ATP10B: variants seen among roughly 807,000 people sequenced by gnomAD.
ATP10B encodes the protein ATPase phospholipid transporting 10B (putative), also known as phospholipid-transporting ATPase VB.
Under a neutral mutation model 141.2 loss-of-function variants are expected in ATP10B, and 122 were observed. The ratio of observed to expected loss-of-function variants is 0.86; its 90% confidence interval spans 0.75 to 1.00. The LOEUF (loss-of-function observed/expected upper bound fraction) is 1.00, where lower values mean the gene tolerates loss of function less well. ATP10B is among the 50% of genes least tolerant of loss of function. ATP10B has a pLI of 0.00. For missense variants in ATP10B, 1,876 were observed against 1,825.3 expected (o/e 1.03, Z -0.51); for synonymous variants, 685 against 692.0 (o/e 0.99, Z 0.16).
chr5:160,572,063 G>A (rs894099090), intron 24 of ATP10B, among the ~76,000 whole-genome samples: 1 of 152,128 alleles, frequency 6.6e-6, no homozygotes, highest in Non-Finnish European at 1.5e-5. Flanking sequence ...CAAAACAAAA[G>A]TTCATTTTTG....
chr5:160,905,631 A>G, the ATP10B span, among the ~76,000 whole-genome samples: 1 of 152,296 alleles, frequency 6.6e-6, no homozygotes, highest in East Asian at 1.9e-4. Flanking sequence ...GCTTGTTGTA[A>G]TAAGTAAAAA....
intron 2 of ATP10B, among the ~76,000 whole-genome samples, chr5:160,717,649 C>T (rs376453675): frequency 2.6e-5 from 4 of 152,262 alleles, no homozygotes; most frequent in South Asian, 2.1e-4. Flanking sequence ...AGATCCCTGG[C>T]GCTAAAACTA....
In ATP10B at chr5:160,644,196, C is replaced by A. The variant is rs1760100719; in HGVS notation, c.810G>T (p.Leu270=). 1.2e-6 allele frequency: 2 copies of A among 1,613,970 alleles called. No individual in the cohort carries two copies. Among genetic ancestry groups the A allele is most frequent in the South Asian group, 2.2e-5 (2 of 91,068 alleles). ...TRTGFGCESL[L]LRGCTIRNTE... ...TGTTTCTGATGGTGCAGCCTCGAAG[C>A]AGAAGACTCTCACAGCCAAAGCCAG... is the stretch of plus-strand genomic sequence containing the variant. Residue 270 remains leucine (L), a synonymous_variant, in exon 9 of 26, where the codon CTG becomes CTT. Coordinates refer to ENST00000327245, the MANE Select transcript of ATP10B (RefSeq NM_025153.3).
rs1169969429 is a variant in ATP10B, at chr5:160,620,816, C to G, written c.1947G>C (p.Glu649Asp). 4.3e-6 allele frequency: 7 copies of G among 1,614,214 alleles called. No individual in the cohort carries two copies. The East Asian group carries it at 6.7e-5, about 15-fold the overall frequency. ...TGGTGGCCACGTTGGCCCCTAAGCT[C>G]TCCCCGAGGTCTGTGTCAGAGGGTG... ...STAPSDTDLG[E>D]SLGANVATTD... The change falls in exon 15 of 26, where the codon GAG becomes GAC. Residue 649 changes from glutamate to aspartate, a missense_variant. Glu to Asp is a conservative substitution (Grantham distance 45, BLOSUM62 2). Coordinates refer to ENST00000327245, the MANE Select transcript of ATP10B (RefSeq NM_025153.3).
chr5:160,799,999 T>C (rs1772267541), intron 1 of ATP10B, among the ~76,000 whole-genome samples: 1 of 152,192 alleles, frequency 6.6e-6, no homozygotes, highest in Admixed American at 6.5e-5. Flanking sequence ...ATTCTTCATA[T>C]CATTTAAGAA....
At chr5:160,770,969 T>C (rs1163756887) in intron 2 of ATP10B, among the ~76,000 whole-genome samples, 1 of 152,226 alleles carries the variant, frequency 6.6e-6, no homozygotes, top group Non-Finnish European at 1.5e-5. Context: ...CATTATTTTC[T>C]ATCCTTTTTC....
chr5:160,781,523 G>A (rs1278120206), intron 2 of ATP10B, among the ~76,000 whole-genome samples: 1 of 152,092 alleles, frequency 6.6e-6, no homozygotes, highest in African/African-American at 2.4e-5. Flanking sequence ...CTCTGGGAAG[G>A]ATGACAAGAA....
At chr5:160,887,534 G>T in the ATP10B span, among the ~76,000 whole-genome samples, 151 of 152,056 alleles carry the variant, frequency 9.9e-4, 1 homozygote, top group African/African-American at 3.5e-3. Context: ...CTCACAATTG[G>T]CCCCCATTTC....
the ATP10B span, among the ~76,000 whole-genome samples, chr5:160,900,446 G>T: frequency 1.3e-5 from 2 of 152,230 alleles, no homozygotes; most frequent in Admixed American, 1.3e-4. Context: ...CTGATGCCCT[G>T]CCTCTTGTAA....
chr5:160,862,227 C>G, the ATP10B span, among the ~76,000 whole-genome samples: 25 of 152,048 alleles, frequency 1.6e-4, no homozygotes, highest in East Asian at 4.8e-3. Flanking sequence ...AGCCCATAAT[C>G]AGTTGATTTT....
Position 160,644,206 on chromosome 5 carries a change from T to C in ATP10B, c.800A>G (p.Glu267Gly). The change falls in exon 9 of 26, where the codon GAG becomes GGG. Residue 267 changes from glutamate (E) to glycine (G), a missense_variant. Glu to Gly is a moderately conservative substitution (Grantham distance 98). Transcript: ENST00000327245. Reference protein sequence around the residue: ...PDQTRTGFGCESLLLRGCTIR... With the variant: ...PDQTRTGFGCGSLLLRGCTIR... ...GGTGCAGCCTCGAAGCAGAAGACTC[T>C]CACAGCCAAAGCCAGTCCTGGTCTG... The C allele has an allele frequency of 6.2e-7, 1 of 1,613,934 alleles. No homozygotes were observed. Among genetic ancestry groups the C allele is most frequent in the Non-Finnish European group, 8.5e-7 (1 of 1,179,944 alleles).
the ATP10B span, among the ~76,000 whole-genome samples, chr5:160,925,684 G>C: frequency 6.6e-6 from 1 of 152,188 alleles, no homozygotes; most frequent in African/African-American, 2.4e-5. Context: ...AAAACAGTTT[G>C]GTTTCAGCCT....
In ATP10B at chr5:160,634,507, C is replaced by A; in HGVS notation, c.1228G>T (p.Asp410Tyr). The part of the protein sequence containing the change: ...NDLDLYDEET[D>Y]LSIQCRALNI... ...AGGGCTCGACATTGAATGGATAAAT[C>A]GGTCTCTTCATCATACAGGTCAAGG... The change falls in exon 12 of 26, where the codon GAT becomes TAT. Residue 410 changes from aspartate to tyrosine, a missense_variant. Asp to Tyr is a radical substitution (Grantham distance 160). Transcript: ENST00000327245. 1.2e-6 allele frequency: 2 copies of A among 1,614,152 alleles called. No individual in the cohort carries two copies. Among genetic ancestry groups the A allele is most frequent in the African/African-American group, 1.3e-5 (1 of 75,034 alleles).
intron 3 of ATP10B, among the ~76,000 whole-genome samples, chr5:160,705,759 G>A (rs1229220225): frequency 6.6e-6 from 1 of 152,164 alleles, no homozygotes; most frequent in East Asian, 1.9e-4. Context: ...CACTGGAATA[G>A]CACTTTTAAT....
At chr5:160,903,994 A>G in the ATP10B span, among the ~76,000 whole-genome samples, 17,812 of 152,206 alleles carry the variant, frequency 0.12, 1,650 homozygotes, top group East Asian at 0.31. Flanking sequence ...TCTTCGCCAT[A>G]GGCTTGAGTA....
intron 1 of ATP10B, among the ~76,000 whole-genome samples, chr5:160,813,017 C>T (rs1324062109): frequency 2.0e-5 from 3 of 152,136 alleles, no homozygotes; most frequent in African/African-American, 7.2e-5. Flanking sequence ...AGCAAGATGG[C>T]CAAATAGGAA....
chr5:160,837,391 G>A (rs4579294), intron 1 of ATP10B, among the ~76,000 whole-genome samples: 152,290 of 152,290 alleles, frequency 1, 76,145 homozygotes, highest in Non-Finnish European at 1. Flanking sequence ...GTGCCATGCC[G>A]TGACCATAAC....
chr5:160,597,908 G>A (rs1581175998), intron 22 of ATP10B, among the ~76,000 whole-genome samples: 1 of 151,812 alleles, frequency 6.6e-6, no homozygotes, highest in East Asian at 1.9e-4. Flanking sequence ...ATGCTGGAGA[G>A]GATGTGGAGA....
chr5:160,630,926 A>C (rs773729901), intron 13 of ATP10B, among the ~76,000 whole-genome samples: 1 of 152,202 alleles, frequency 6.6e-6, no homozygotes, highest in Non-Finnish European at 1.5e-5. Context: ...CAGTCAGAAA[A>C]CACAGTCCTT....
Sources: gnomAD v4.1 joint callset for allele counts (sites outside exome capture counted in the v4.1 genomes callset) on GRCh38, gnomAD v4.1.1 for gene constraint, MANE v1.5 for transcripts, NCBI Gene and HGNC (gene_info 2026-07-23, HGNC 2026-07-21) for gene names.